Variants in DOP1B observed in about 807,000 individuals in gnomAD.
DOP1B encodes protein DOP1B.
A neutral mutation model predicts 233.5 loss-of-function variants in DOP1B; 174 were observed. The ratio of observed to expected loss-of-function variants is 0.75; its 90% CI spans 0.66 to 0.85. The LOEUF is 0.85. Ranked by LOEUF, DOP1B falls within the 40% of genes least tolerant of loss-of-function variation. The pLI is 0.00. For synonymous variants in DOP1B, 1,190 were observed against 1,185.6 expected (o/e 1.00, Z -0.08); for missense variants, 2,652 against 2,846.6 (o/e 0.93, Z 1.56).
chr21:36,176,121 T>TGTGTGTGTGTGTGTGTGG (rs962494737), intron 2 of DOP1B, among the ~76,000 whole-genome samples: 16 of 151,766 alleles, frequency 1.1e-4, no homozygotes, highest in African/African-American at 2.7e-4. Flanking sequence ...TGTGTGTGTG[T>TGTGTGTGTGTGTGTGTGG]GGTGATACAG....
chr21:36,249,680 A>G (rs2067011034), intron 21 of DOP1B, among the ~76,000 whole-genome samples: 1 of 152,184 alleles, frequency 6.6e-6, no homozygotes, highest in Non-Finnish European at 1.5e-5. Flanking sequence ...TGTCTGCCTC[A>G]GAAGGCTGTA....
intron 23 of DOP1B, among the ~76,000 whole-genome samples, chr21:36,257,016 G>A (rs2067105890): frequency 6.6e-6 from 1 of 152,092 alleles, no homozygotes; most frequent in Admixed American, 6.6e-5. Flanking sequence ...CTGGGCCTCT[G>A]GAACTTCTGA....
intron 26 of DOP1B, among the ~76,000 whole-genome samples, chr21:36,266,980 T>C (rs1470471921): frequency 6.6e-6 from 1 of 152,108 alleles, no homozygotes; most frequent in Admixed American, 6.6e-5. Context: ...GTTAGCCAAT[T>C]CGCCACTTCC....
chr21:36,168,629 C>T (rs1401737764), intron 2 of DOP1B, among the ~76,000 whole-genome samples: 2 of 151,976 alleles, frequency 1.3e-5, no homozygotes, highest in South Asian at 4.1e-4. Flanking sequence ...TGGGTTCAAG[C>T]GATTCTCATC....
intron 2 of DOP1B, among the ~76,000 whole-genome samples, chr21:36,174,704 G>A (rs2066005136): frequency 6.6e-6 from 1 of 152,128 alleles, no homozygotes; most frequent in Non-Finnish European, 1.5e-5. Context: ...ATAGAGACAG[G>A]GTTTCACTAT....
intron 23 of DOP1B, among the ~76,000 whole-genome samples, chr21:36,259,241 A>C (rs1174219266): frequency 6.7e-6 from 1 of 150,312 alleles, no homozygotes; most frequent in Non-Finnish European, 1.5e-5. Context: ...CTGGGATTAC[A>C]GGCGTGAGCC....
At chr21:36,285,060 T>G (rs1342714038) in intron 32 of DOP1B, among the ~76,000 whole-genome samples, 2 of 152,046 alleles carry the variant, frequency 1.3e-5, no homozygotes, top group Non-Finnish European at 2.9e-5. Context: ...GAGAAATTTT[T>G]TTGTTGTTGT....
At position 36,286,272 on chromosome 21, in the gene DOP1B, C is replaced by T. The variant is rs561165346; in HGVS notation, c.6161-1742C>T. 7.9e-5 allele frequency among the ~76,000 whole-genome samples: 12 copies of T among 152,118 alleles called. No homozygotes were observed. The South Asian group carries it at 8.3e-4, about 11-fold the overall frequency. Reference sequence around the variant, plus strand: ...AAGGCATGTACAACATGAGGACTGTCGTTAATAACACTGCATATGTACTGG... The same window carrying T: ...AAGGCATGTACAACATGAGGACTGTTGTTAATAACACTGCATATGTACTGG... On this transcript the variant is annotated intron_variant, in intron 32 of 36. Transcript: ENST00000691173.
In DOP1B at chr21:36,230,937, C is replaced by T. The variant is rs757367283; in HGVS notation, c.2153C>T (p.Ser718Leu). The T allele has an allele frequency of 2.6e-5, 42 of 1,614,056 alleles. No homozygotes were observed. Among genetic ancestry groups the T allele is most frequent in the African/African-American group, 1.7e-4 (13 of 74,924 alleles). The change falls in exon 14 of 37, where the codon TCG becomes TTG. Residue 718 changes from serine (S) to leucine (L), a missense_variant. Transcript: ENST00000691173. ...KTKSSESPSS[S>L]PSSPARKNGG... Reference sequence around the variant, plus strand: ...AAAAGTTCAGAGTCACCATCGTCTTCGCCCAGCAGCCCTGCCAGGAAAAAC... The same window carrying T: ...AAAAGTTCAGAGTCACCATCGTCTTTGCCCAGCAGCCCTGCCAGGAAAAAC...
rs1375084084 is a variant in DOP1B at position 36,219,403 on chromosome 21, A to C, written c.1161A>C (p.Glu387Asp). 6.2e-7 allele frequency: 1 copy of C among 1,614,148 alleles called. No individual in the cohort carries two copies. The highest frequency in any genetic ancestry group is 1.1e-5 in the South Asian group (1 of 91,076). The change falls in exon 10 of 37, where the codon GAA becomes GAC. Residue 387 changes from glutamate (E) to aspartate (D), a missense_variant. Physicochemically the swap from Glu to Asp is conservative, Grantham distance 45. Around this residue, in one of 3 missense-constraint regions of DOP1B, gnomAD observed 2,617 missense variants for 2,794.3 expected, o/e 0.94. Transcript: ENST00000691173. ...AAGTGGTTGGGAATTTGTTTCTCGA[A>C]GTCATCAGGGCCTTTTATTCTTACT... The part of the protein sequence containing the change: ...GPQVVGNLFL[E>D]VIRAFYSYCR...
intron 33 of DOP1B, among the ~76,000 whole-genome samples, chr21:36,288,551 C>T (rs1474236902): frequency 3.3e-5 from 5 of 151,990 alleles, no homozygotes; most frequent in Non-Finnish European, 7.4e-5. Flanking sequence ...AAAATTAATT[C>T]GGCATGGCGG....
At chr21:36,187,539 C>T (rs184977747) in intron 2 of DOP1B, among the ~76,000 whole-genome samples, 85 of 152,182 alleles carry the variant, frequency 5.6e-4, no homozygotes, top group African/African-American at 1.9e-3. Context: ...TCAGGTGATC[C>T]GCCTTCCTTT....
Position 36,223,340 on chromosome 21 carries a change from G to A in DOP1B, c.1360G>A (p.Glu454Lys), listed in dbSNP as rs182957792. Reference protein sequence around the residue: ...LWDYMTRCFEECFRPVKQRYS... With the variant: ...LWDYMTRCFEKCFRPVKQRYS... ...GGATTATATGACAAGGTGTTTTGAG[G>A]AATGCTTTAGGTAAGTATGCAGTTC... The change falls in exon 11 of 37, where the codon GAA (glutamate) becomes AAA (lysine). Residue 454 changes from glutamate to lysine, a missense_variant. By Grantham distance (56) the Glu-to-Lys change is moderately conservative. Transcript: ENST00000691173. The A allele has an allele frequency of 4.2e-5, 67 of 1,609,382 alleles. No homozygotes were observed. In the Admixed American group the frequency reaches 1.1e-3, roughly 27 times the overall value.
chr21:36,223,123 C>A, intron 10 of DOP1B, 108 bp from the exon 11 acceptor site: 1 of 1,163,646 alleles, frequency 8.6e-7, no homozygotes, highest in Non-Finnish European at 1.2e-6. Context: ...GTGTCAGCTT[C>A]TCTAGAAATA....
rs1201847182 is a variant in DOP1B at position 36,272,998 on chromosome 21, A to G, written c.5632+2841A>G. Among the ~76,000 whole-genome samples, 3 of 151,006 alleles carry G rather than the reference A, an allele frequency of 2.0e-5. No individual in the cohort carries two copies. In the East Asian group the frequency reaches 5.9e-4, roughly 30 times the overall value. ...AAACTCCATCTCAAAAAAAAAAAAA[A>G]AAAAAAAAAGACCCCATCTCTACAA... On this transcript the variant is annotated intron_variant, in intron 27 of 36. Coordinates refer to ENST00000691173, the MANE Select transcript of DOP1B (RefSeq NM_001320714.2).
At chr21:36,276,030 G>A (rs1000452383) in intron 27 of DOP1B, among the ~76,000 whole-genome samples, 2 of 152,042 alleles carry the variant, frequency 1.3e-5, no homozygotes, top group African/African-American at 4.8e-5. Context: ...AAGCTGGTGA[G>A]GTCAAGGGTA....
chr21:36,211,913 C>A, intron 6 of DOP1B, 61 bp from the exon 7 acceptor site: 1 of 1,611,216 alleles, frequency 6.2e-7, no homozygotes, highest in South Asian at 1.1e-5. Flanking sequence ...GGCTGCGTGT[C>A]AAAAAGTCAG....
chr21:36,208,431 G>T (rs1327915449), intron 4 of DOP1B, among the ~76,000 whole-genome samples: 3 of 152,204 alleles, frequency 2.0e-5, no homozygotes, highest in African/African-American at 7.2e-5. Context: ...GTGGAGATGG[G>T]TCTCTGCCCT....
rs536538834 is a variant in DOP1B, at chr21:36,278,074, C to T, written c.5812C>T (p.Arg1938Cys). The T allele has an allele frequency of 1.7e-5, 27 of 1,613,932 alleles. No individual in the cohort carries two copies. Among genetic ancestry groups the T allele is most frequent in the South Asian group, 3.3e-5 (3 of 91,088 alleles). ...RLLYYVFPYL[R>C]NHSAYNAPSF... ...GCTTTACTATGTTTTTCCATACTTA[C>T]GCAACCACAGGTAACGTCATCTTCG... The change falls in exon 29 of 37, where the codon CGC becomes TGC. Residue 1938 changes from arginine (R) to cysteine (C), a missense_variant. Coordinates refer to ENST00000691173, the MANE Select transcript of DOP1B (RefSeq NM_001320714.2).
Sources: allele counts gnomAD v4.1 joint callset (sites outside exome capture counted in the v4.1 genomes callset), GRCh38; gene constraint gnomAD v4.1.1; regional missense constraint gnomAD v4.1.1; transcripts MANE v1.5; gene names NCBI Gene and HGNC (gene_info 2026-07-23, HGNC 2026-07-21).